The following EXT1 variants were observed in gnomAD, a reference collection of about 807,000 sequenced individuals.
EXT1 encodes the protein exostosin glycosyltransferase 1.
Under a neutral mutation model 82.5 loss-of-function variants are expected in EXT1, and 20 were observed. The ratio of observed to expected loss-of-function variants is 0.24; its 90% CI spans 0.17 to 0.35. The LOEUF (loss-of-function observed/expected upper bound fraction) is 0.35, where lower values mean the gene tolerates loss of function less well. Ranked by LOEUF, EXT1 falls within the 10% of genes least tolerant of loss-of-function variation. The pLI, the probability that EXT1 is intolerant of heterozygous loss-of-function variation, is 1.00. For synonymous variants in EXT1, 348 were observed against 350.8 expected (o/e 0.99, Z 0.09); for missense variants, 757 against 936.5 (o/e 0.81, Z 2.50).
In EXT1 at chr8:117,959,813, T is replaced by G. The variant is rs141033073; in HGVS notation, c.963-122612A>C. Among the ~76,000 whole-genome samples the G allele has an allele frequency of 1.5e-4, 23 of 152,352 alleles. No homozygotes were observed. In the East Asian group the frequency reaches 4.4e-3, roughly 29 times the overall value. ...GCTGCCTAAGTTCATAATCCACTTC[T>G]GCCTCTACTTTCTCTAAAAGATAGT... On this transcript the variant is annotated intron_variant, in intron 1 of 10. Coordinates refer to ENST00000378204, the MANE Select transcript of EXT1 (RefSeq NM_000127.3).
At chr8:117,973,225 C>A (rs912597151) in intron 1 of EXT1, among the ~76,000 whole-genome samples, 1 of 152,106 alleles carries the variant, frequency 6.6e-6, no homozygotes, top group East Asian at 1.9e-4. Flanking sequence ...GATGGTAGCA[C>A]GTGATACAAG....
chr8:118,020,126 T>G (rs1288834095), intron 1 of EXT1, among the ~76,000 whole-genome samples: 2 of 152,218 alleles, frequency 1.3e-5, no homozygotes, highest in Non-Finnish European at 2.9e-5. Context: ...AATTTGTGTT[T>G]GGGGTTTTAT....
chr8:117,807,153 T>C, intron 9 of EXT1, 64 bp downstream of exon 9: 2 of 1,602,786 alleles, frequency 1.2e-6, no homozygotes, highest in Non-Finnish European at 1.7e-6. Context: ...TTAGTTCCTA[T>C]TTATGCAGCA....
intron 1 of EXT1, among the ~76,000 whole-genome samples, chr8:117,985,616 G>A (rs1267955689): frequency 1.3e-5 from 2 of 151,582 alleles, no homozygotes; most frequent in Non-Finnish European, 2.9e-5. Context: ...AAAATGAAGA[G>A]ATTACTAAAA....
Position 117,799,799 on chromosome 8 carries a change from G to C in EXT1, c.2154C>G (p.Ile718Met). ...FASWFGYMPL[I>M]HSQMRLDPVL... ...CGGGGTCGAGCCTCATCTGAGAGTG[G>C]ATCAGCGGCATGTAGCCAAACCAGC... Residue 718 changes from isoleucine (I) to methionine (M), a missense_variant, in exon 11 of 11, where the codon ATC becomes ATG. Ile to Met is a conservative substitution (Grantham distance 10). This residue lies in a region of EXT1 where 128 missense variants were observed against 223.2 expected (regional missense o/e 0.57). Transcript: ENST00000378204. 1.2e-6 allele frequency: 2 copies of C among 1,614,152 alleles called. No homozygotes were observed. The highest frequency in any genetic ancestry group is 1.7e-6 in the Non-Finnish European group (2 of 1,180,026).
intron 1 of EXT1, among the ~76,000 whole-genome samples, chr8:117,852,421 C>G (rs1812471509): frequency 6.6e-6 from 1 of 152,224 alleles, no homozygotes; most frequent in Non-Finnish European, 1.5e-5. Flanking sequence ...TCAGCCCCAT[C>G]TCACACACTA....
chr8:117,878,084 C>G (rs1026313561), intron 1 of EXT1, among the ~76,000 whole-genome samples: 1 of 152,136 alleles, frequency 6.6e-6, no homozygotes, highest in Non-Finnish European at 1.5e-5. Flanking sequence ...ACCAGCCTGG[C>G]CAACATGGTG....
chr8:117,941,278 G>A (rs1340592497), intron 1 of EXT1, among the ~76,000 whole-genome samples: 1 of 152,144 alleles, frequency 6.6e-6, no homozygotes, highest in African/African-American at 2.4e-5. Flanking sequence ...ATGGTAAGAT[G>A]TTCAGATCTT....
At chr8:117,954,890 C>T (rs780959042) in intron 1 of EXT1, among the ~76,000 whole-genome samples, 1 of 152,108 alleles carries the variant, frequency 6.6e-6, no homozygotes, top group African/African-American at 2.4e-5. Context: ...AGAGTTAATG[C>T]AGACACCACA....
At chr8:117,845,002 C>T (rs900516747) in intron 1 of EXT1, among the ~76,000 whole-genome samples, 8 of 152,318 alleles carry the variant, frequency 5.3e-5, no homozygotes, top group Middle Eastern at 3.4e-3. Flanking sequence ...GGCTGCTGAT[C>T]CCAAGCTGTC....
At chr8:118,044,831 G>T (rs1027101005) in intron 1 of EXT1, among the ~76,000 whole-genome samples, 1 of 152,194 alleles carries the variant, frequency 6.6e-6, no homozygotes, top group Non-Finnish European at 1.5e-5. Flanking sequence ...CCCACCGCAT[G>T]CTTTTGTAAA....
At chr8:117,860,542 A>T (rs1227505715) in intron 1 of EXT1, among the ~76,000 whole-genome samples, 2 of 152,254 alleles carry the variant, frequency 1.3e-5, no homozygotes, top group Non-Finnish European at 2.9e-5. Context: ...TTTGTAAAGG[A>T]AAGAGTATCT....
At chr8:118,100,414 C>T (rs962581887) in intron 1 of EXT1, among the ~76,000 whole-genome samples, 2 of 152,156 alleles carry the variant, frequency 1.3e-5, no homozygotes, top group Non-Finnish European at 2.9e-5. Context: ...CACTCACACA[C>T]GGTGTCCCTC....
chr8:118,084,311 T>G (rs1743581830), intron 1 of EXT1, among the ~76,000 whole-genome samples: 2 of 152,188 alleles, frequency 1.3e-5, no homozygotes, highest in South Asian at 4.1e-4. Context: ...AGATGCTACC[T>G]CCTGGGATCA....
chr8:118,061,172 A>C (rs766060238), intron 1 of EXT1, among the ~76,000 whole-genome samples: 1 of 152,242 alleles, frequency 6.6e-6, no homozygotes, highest in Non-Finnish European at 1.5e-5. Flanking sequence ...GAAGTGAACT[A>C]AACACTGCAC....
intron 1 of EXT1, among the ~76,000 whole-genome samples, chr8:117,972,919 C>G (rs1241706240): frequency 6.6e-6 from 1 of 152,144 alleles, no homozygotes; most frequent in African/African-American, 2.4e-5. Flanking sequence ...TCCCATGACA[C>G]ATGGGGATTA....
At chr8:117,891,829 C>T (rs1226405798) in intron 1 of EXT1, among the ~76,000 whole-genome samples, 5 of 107,066 alleles carry the variant, frequency 4.7e-5, no homozygotes, top group South Asian at 3.3e-4. Flanking sequence ...TTTTTTGAGA[C>T]GGAGGCTTGC....
chr8:117,971,878 C>T (rs1037342558), intron 1 of EXT1, among the ~76,000 whole-genome samples: 4 of 152,128 alleles, frequency 2.6e-5, no homozygotes, highest in Non-Finnish European at 5.9e-5. Context: ...AGACCGGGTG[C>T]GGTGGCTCAC....
chr8:117,823,513 A>G lies in EXT1; in HGVS notation c.1285-916T>C, dbSNP rs575987458. On this transcript the variant is annotated intron_variant, in intron 4 of 10. Coordinates refer to ENST00000378204, the MANE Select transcript of EXT1 (RefSeq NM_000127.3). Reference sequence around the variant, plus strand: ...CAGCAATTTTTTTTACATTAAAAAAAAAAAAGAAAAAAATCCTGCCGTAAG... The same window carrying G: ...CAGCAATTTTTTTTACATTAAAAAAGAAAAAGAAAAAAATCCTGCCGTAAG... 2.0e-5 allele frequency among the ~76,000 whole-genome samples: 3 copies of G among 152,204 alleles called. No individual in the cohort carries two copies. In the East Asian group the frequency reaches 5.8e-4, roughly 29 times the overall value.
Sources: allele counts gnomAD v4.1 joint callset (sites outside exome capture counted in the v4.1 genomes callset), GRCh38; gene constraint gnomAD v4.1.1; regional missense constraint gnomAD v4.1.1; transcripts MANE v1.5; gene names NCBI Gene and HGNC (gene_info 2026-07-23, HGNC 2026-07-21).